The following MFSD8 variants were observed in gnomAD, a reference collection of about 807,000 sequenced individuals.
The protein encoded by MFSD8 is major facilitator superfamily domain containing 8.
A neutral mutation model predicts 66.4 loss-of-function variants in MFSD8; 55 were observed. That is an observed-to-expected ratio of 0.83 (90% CI 0.67 to 1.04). The LOEUF is 1.04. MFSD8 is among the 50% of genes least tolerant of loss of function. The pLI, the probability that MFSD8 is intolerant of heterozygous loss-of-function variation, is 0.00. For missense variants in MFSD8, 550 were observed against 627.6 expected (o/e 0.88, Z 1.32); for synonymous variants, 202 against 212.8 (o/e 0.95, Z 0.44).
Position 127,957,607 on chromosome 4 carries a change from G to GA in MFSD8, c.63-16dup. 1 of 1,533,784 alleles carries GA rather than the reference G, an allele frequency of 6.5e-7. No individual in the cohort carries two copies. ...TGTCCCATTCTCTAGGTGTAAAGAA[G>GA]AAAAAAGTAGTATAAATTTATCTCA... On this transcript the variant is annotated splice_polypyrimidine_tract_variant and intron_variant, in intron 1 of 11. Transcript: ENST00000641686.
rs141492062 is a variant in MFSD8 at position 127,921,121 on chromosome 4, C to T, written c.1351-285G>A. The T allele has an allele frequency of 3.3e-4, 183 of 557,246 alleles. 2 individuals carry two copies. The highest frequency in any genetic ancestry group is 3.1e-3 in the African/African-American group (166 of 53,282). 34.5% of individuals were successfully genotyped at this position (557,246 alleles called of 1,614,324 possible). A position where few individuals can be genotyped will look rare whatever the true frequency, so the allele number is the denominator to read the frequency against. ...AAAGCTAACATTTATTTTGTACCTG[C>T]TACATGCCAGTCACTGAGGTAGGTG... On this transcript the variant is annotated intron_variant, in intron 11 of 11. Coordinates refer to ENST00000641686, the MANE Select transcript of MFSD8 (RefSeq NM_001371596.2).
rs116708442 is a variant in MFSD8, at chr4:127,957,386, G to A, written c.154+115C>T. 708 of 781,970 alleles carry A rather than the reference G, an allele frequency of 9.1e-4. 6 individuals carry two copies. The African/African-American group carries it at 0.011, about 12-fold the overall frequency. 48.4% of individuals were successfully genotyped at this position (781,970 alleles called of 1,614,324 possible). Reference sequence around the variant, plus strand: ...TGGTAACACGGTAAATTTATGTCACGTATTTTTTAGCACAATAAAGATAAT... The same window carrying A: ...TGGTAACACGGTAAATTTATGTCACATATTTTTTAGCACAATAAAGATAAT... On this transcript the variant is annotated intron_variant, in intron 2 of 11. Coordinates refer to ENST00000641686, the MANE Select transcript of MFSD8 (RefSeq NM_001371596.2).
chr4:127,964,820 G>A, intron 1 of MFSD8: 1 of 597,800 alleles, frequency 1.7e-6, no homozygotes, highest in Non-Finnish European at 3.0e-6. Flanking sequence ...GCTGCAACAG[G>A]CAAAGCAGCA....
At chr4:127,962,479 T>G (rs1165866741) in intron 1 of MFSD8, among the ~76,000 whole-genome samples, 3 of 150,290 alleles carry the variant, frequency 2.0e-5, no homozygotes, top group Non-Finnish European at 4.4e-5. Flanking sequence ...AAAAAAAGTA[T>G]AGCAGTGTAG....
chr4:127,922,048 T>C, intron 9 of MFSD8, 85 bp from the exon 10 acceptor site: 2 of 1,207,312 alleles, frequency 1.7e-6, no homozygotes, highest in Non-Finnish European at 2.4e-6. Flanking sequence ...AAACTAAAAA[T>C]AATATCTTGT....
At chr4:127,933,203 A>C in intron 7 of MFSD8, 110 bp from the exon 8 acceptor site, 1 of 876,736 alleles carries the variant, frequency 1.1e-6, no homozygotes, top group Admixed American at 2.5e-5. Flanking sequence ...AAACATTTAA[A>C]AAAATTTTTA....
Position 127,964,432 on chromosome 4 carries a change from C to G in MFSD8, c.62+640G>C, listed in dbSNP as rs571274592. Among the ~76,000 whole-genome samples, 38 of 152,352 alleles carry G rather than the reference C, an allele frequency of 2.5e-4. 1 individual carries two copies. In the South Asian group the frequency reaches 7.9e-3, roughly 32 times the overall value. On this transcript the variant is annotated intron_variant, in intron 1 of 11. Transcript: ENST00000641686. ...AGAAATCGAGCGCAGCGCCAGTGGGCTGGCACTGCTGGGGGACCCAGCACA... is the reference window on the plus strand; with the variant it reads ...AGAAATCGAGCGCAGCGCCAGTGGGGTGGCACTGCTGGGGGACCCAGCACA...
chr4:127,950,581 T>C (rs565192697), intron 2 of MFSD8, among the ~76,000 whole-genome samples: 28 of 151,896 alleles, frequency 1.8e-4, no homozygotes, highest in African/African-American at 6.3e-4. Flanking sequence ...TCCCAGCTAC[T>C]TAGGAAGCTG....
chr4:127,935,495 C>A (rs1161580045), intron 7 of MFSD8, among the ~76,000 whole-genome samples: 1 of 152,166 alleles, frequency 6.6e-6, no homozygotes, highest in Non-Finnish European at 1.5e-5. Context: ...AATCCTGTCT[C>A]ATAATAACCT....
intron 1 of MFSD8, among the ~76,000 whole-genome samples, chr4:127,963,613 T>C (rs778458721): frequency 3.3e-5 from 5 of 151,822 alleles, no homozygotes; most frequent in African/African-American, 4.8e-5. Flanking sequence ...GCGTCTGGAG[T>C]TGTTCGTTCC....
intron 7 of MFSD8, chr4:127,934,637 A>G (rs1738739411): frequency 6.9e-6 from 1 of 145,072 alleles, no homozygotes; most frequent in South Asian, 2.2e-4. Flanking sequence ...TGGAGTGCAG[A>G]GACCCGATCT....
rs147295085 is a variant in MFSD8, at chr4:127,930,795, C to T, written c.886G>A (p.Asp296Asn). 108 of 1,610,936 alleles carry T rather than the reference C, an allele frequency of 6.7e-5. No individual in the cohort carries two copies. In the African/African-American group the frequency reaches 1.3e-3, roughly 20 times the overall value. ...TGTTCTTGAGTCCAGGCATACATAT[C>T]CATTGTTAATGGAGTAATGATGCTA... ...FETIITPLTM[D>N]MYAWTQEQAV... The change falls in exon 9 of 12, where the codon GAT becomes AAT. Residue 296 changes from aspartate to asparagine, a missense_variant. Physicochemically the swap from Asp to Asn is conservative, Grantham distance 23 (BLOSUM62 1). Transcript: ENST00000641686.
chr4:127,923,591 ATTAT>A (rs1174429156), intron 9 of MFSD8, among the ~76,000 whole-genome samples: 3 of 142,728 alleles, frequency 2.1e-5, no homozygotes, highest in Admixed American at 7.1e-5. Flanking sequence ...TATTATTATT[ATTAT>A]TTGAGACAGA....
Position 127,949,796 on chromosome 4 carries a change from G to A in MFSD8, c.198+8C>T. Reference sequence around the variant, plus strand: ...CTATAAGGGAAAAATAGATTGAAATGTACAAACCTTTTGGAGATATGGCCA... The same window carrying A: ...CTATAAGGGAAAAATAGATTGAAATATACAAACCTTTTGGAGATATGGCCA... On this transcript the variant is annotated splice_region_variant and intron_variant, in intron 3 of 11. Transcript: ENST00000641686. The A allele has an allele frequency of 6.2e-7, 1 of 1,611,034 alleles. No homozygotes were observed.
chr4:127,929,969 G>A (rs1737860501), intron 9 of MFSD8, among the ~76,000 whole-genome samples: 3 of 152,140 alleles, frequency 2.0e-5, no homozygotes, highest in South Asian at 2.1e-4. Context: ...TATGCTGGGC[G>A]CAGTGGCTCA....
intron 7 of MFSD8, chr4:127,933,403 C>A (rs1264891555): frequency 8.3e-6 from 2 of 240,570 alleles, no homozygotes; most frequent in Non-Finnish European, 8.2e-6. Flanking sequence ...ACTACCACGC[C>A]CAGCTAATTT....
At chr4:127,950,874 A>G (rs1741821075) in intron 2 of MFSD8, among the ~76,000 whole-genome samples, 1 of 151,494 alleles carries the variant, frequency 6.6e-6, no homozygotes, top group South Asian at 2.1e-4. Context: ...CCTGGCCAGC[A>G]TGGAGAAACC....
chr4:127,965,613 A>G (rs547982125), upstream of MFSD8: 5 of 231,852 alleles, frequency 2.2e-5, no homozygotes, highest in Admixed American at 2.6e-4. Context: ...GCCAGTAAGT[A>G]GCCGGTCCGG....
At chr4:127,917,754 C>A (rs929519005), downstream of MFSD8, 3 of 152,078 alleles carry the variant, frequency 2.0e-5, no homozygotes, top group Non-Finnish European at 4.4e-5. Context: ...TAGTGGGTAC[C>A]CCCTTAAATA....
Sources: allele counts gnomAD v4.1 joint callset (sites outside exome capture counted in the v4.1 genomes callset), GRCh38; gene constraint gnomAD v4.1.1; transcripts MANE v1.5; gene names NCBI Gene and HGNC (gene_info 2026-07-23, HGNC 2026-07-21).